Variants in UBE2D2 observed in about 807,000 individuals in gnomAD.
UBE2D2 encodes the protein ubiquitin-conjugating enzyme E2 D2.
Under a neutral mutation model 24.2 loss-of-function variants are expected in UBE2D2, and 2 were observed. The observed-to-expected ratio is 0.08, with a 90% confidence interval of 0.03 to 0.26. The LOEUF is 0.26. UBE2D2 is among the 10% of genes least tolerant of loss of function. The pLI, the probability that UBE2D2 is intolerant of heterozygous loss-of-function variation, is 1.00. For missense variants in UBE2D2, 44 were observed against 177.6 expected, an observed-to-expected ratio of 0.25 and a Z score of 4.28; for synonymous variants, 58 against 56.5, an observed-to-expected ratio of 1.03 and a Z score of -0.12.
intron 1 of UBE2D2, among the ~76,000 whole-genome samples, chr5:139,529,527 A>G (rs1752577205): frequency 6.6e-6 from 1 of 152,176 alleles, no homozygotes; most frequent in South Asian, 2.1e-4. Flanking sequence ...ACTTAAAAAG[A>G]AAATAAAAAA....
chr5:139,598,942 T>C (rs1754013530), intron 1 of UBE2D2, among the ~76,000 whole-genome samples: 1 of 144,054 alleles, frequency 6.9e-6, no homozygotes, highest in African/African-American at 2.6e-5. Context: ...TTTTTTTTTT[T>C]TTTGAGACAA....
At chr5:139,603,623 G>GAAAAA (rs1169340176) in intron 2 of UBE2D2, among the ~76,000 whole-genome samples, 2 of 37,226 alleles carry the variant, frequency 5.4e-5, no homozygotes, top group African/African-American at 1.2e-4. Flanking sequence ...CTCTGTCTCC[G>GAAAAA]AAAAAAAAAA....
At chr5:139,624,363 T>C (rs570908615) in intron 6 of UBE2D2, among the ~76,000 whole-genome samples, 101 of 152,246 alleles carry the variant, frequency 6.6e-4, no homozygotes, top group Non-Finnish European at 1.1e-3. Context: ...CCTGGGTTGG[T>C]CTCAAACTCC....
chr5:139,621,467 A>G (rs761569329), intron 5 of UBE2D2, among the ~76,000 whole-genome samples: 16 of 152,206 alleles, frequency 1.1e-4, no homozygotes, highest in Non-Finnish European at 2.4e-4. Flanking sequence ...TTTAGGGGCA[A>G]GTGTTTGCAT....
At chr5:139,552,675 ATTT>A (rs35039276) in intron 1 of UBE2D2, among the ~76,000 whole-genome samples, 4 of 59,342 alleles carry the variant, frequency 6.7e-5, no homozygotes, top group Admixed American at 2.4e-4. Context: ...CGCTTGGCTA[ATTT>A]TTTTTTTTTT....
In UBE2D2 at chr5:139,536,986, T is replaced by C. The variant is rs1377662715; in HGVS notation, c.-64+10374T>C. ...CGAGGTCAGGAGATCGAGACCATCC[T>C]GGCTAACATGGTGAAACCCCGTTTC... On this transcript the variant is annotated intron_variant, in intron 1 of 6. Transcript: ENST00000511725. Among the ~76,000 whole-genome samples, 3 of 152,028 alleles carry C rather than the reference T, an allele frequency of 2.0e-5. No homozygotes were observed. In the East Asian group the frequency reaches 5.8e-4, roughly 29 times the overall value.
At chr5:139,558,477 A>G (rs1178307563), upstream of UBE2D2, among the ~76,000 whole-genome samples, 1 of 152,010 alleles carries the variant, frequency 6.6e-6, no homozygotes, top group Non-Finnish European at 1.5e-5. Flanking sequence ...TTTGGTAGAG[A>G]CGGGGTTTCA....
chr5:139,576,798 T>G (rs1434976707), intron 1 of UBE2D2, among the ~76,000 whole-genome samples: 2 of 152,172 alleles, frequency 1.3e-5, no homozygotes, highest in Non-Finnish European at 2.9e-5. Flanking sequence ...TTTCTTTAGA[T>G]GTACCTGTTC....
At chr5:139,569,636 C>T (rs989417561) in intron 1 of UBE2D2, among the ~76,000 whole-genome samples, 3 of 152,128 alleles carry the variant, frequency 2.0e-5, no homozygotes, top group African/African-American at 7.2e-5. Flanking sequence ...AGTGTTTGTT[C>T]TTCTGTCTGC....
At chr5:139,600,022 T>A (rs1754039868) in intron 1 of UBE2D2, among the ~76,000 whole-genome samples, 1 of 152,050 alleles carries the variant, frequency 6.6e-6, no homozygotes, top group Non-Finnish European at 1.5e-5. Flanking sequence ...GGTCTCGAAC[T>A]CCTGACCTCA....
chr5:139,549,685 C>T (rs777392678), intron 1 of UBE2D2, among the ~76,000 whole-genome samples: 6 of 152,228 alleles, frequency 3.9e-5, no homozygotes, highest in Admixed American at 2.0e-4. Context: ...CCCCCTGCTC[C>T]GCGGCGCCCC....
intron 1 of UBE2D2, among the ~76,000 whole-genome samples, chr5:139,554,586 T>C (rs1050781791): frequency 1.3e-5 from 2 of 152,250 alleles, no homozygotes; most frequent in East Asian, 3.8e-4. Flanking sequence ...GGATGGATAC[T>C]TGGGCTGTCT....
intron 1 of UBE2D2, among the ~76,000 whole-genome samples, chr5:139,587,321 A>G (rs979861983): frequency 1.8e-4 from 28 of 152,302 alleles, no homozygotes; most frequent in African/African-American, 6.3e-4. Flanking sequence ...GATGGAAGTC[A>G]GCAGCGGCTC....
chr5:139,608,482 T>TG (rs1414321323), intron 2 of UBE2D2, among the ~76,000 whole-genome samples: 1 of 151,902 alleles, frequency 6.6e-6, no homozygotes, highest in Non-Finnish European at 1.5e-5. Flanking sequence ...TGGGCACTGC[T>TG]GGTGGCTCAT....
intron 1 of UBE2D2, among the ~76,000 whole-genome samples, chr5:139,570,502 G>A (rs191533703): frequency 6.6e-6 from 1 of 151,638 alleles, no homozygotes; most frequent in African/African-American, 2.4e-5. Context: ...CACCACGCCC[G>A]GCTAATTTTT....
chr5:139,600,278 C>G, intron 1 of UBE2D2, 94 bp from the exon 2 acceptor site: 3 of 1,318,264 alleles, frequency 2.3e-6, no homozygotes, highest in Non-Finnish European at 3.2e-6. Flanking sequence ...GTTTCACCAG[C>G]AGGACAGAGA....
At chr5:139,566,396 ATG>A in intron 1 of UBE2D2, among the ~76,000 whole-genome samples, 2 of 150,538 alleles carry the variant, frequency 1.3e-5, no homozygotes, top group East Asian at 4.0e-4. Context: ...ACAGTGGGTC[ATG>A]CACAGTGGGT....
intron 1 of UBE2D2, among the ~76,000 whole-genome samples, chr5:139,531,467 C>G (rs612876): frequency 3.9e-5 from 6 of 152,078 alleles, no homozygotes; most frequent in Admixed American, 1.3e-4. Context: ...TCGGGGAGAT[C>G]GGATTTTAAG....
chr5:139,589,228 C>G (rs1753792546), intron 1 of UBE2D2, among the ~76,000 whole-genome samples: 1 of 151,838 alleles, frequency 6.6e-6, no homozygotes, highest in East Asian at 1.9e-4. Flanking sequence ...CACTGCATTC[C>G]TGCCTGGGTG....
Sources: gnomAD v4.1 joint callset for allele counts (sites outside exome capture counted in the v4.1 genomes callset) on GRCh38, gnomAD v4.1.1 for gene constraint, MANE v1.5 for transcripts, NCBI Gene and HGNC (gene_info 2026-07-23, HGNC 2026-07-21) for gene names.